ABCA1: variants seen among roughly 807,000 people sequenced by gnomAD.
The protein encoded by ABCA1 is phospholipid-transporting ATPase ABCA1.
ABCA1 carries 133 observed loss-of-function variants against 262.5 expected under a neutral mutation model. The ratio of observed to expected loss-of-function variants is 0.51; its 90% confidence interval spans 0.44 to 0.59. ABCA1 has a LOEUF of 0.59. Among genes scored for constraint, ABCA1 ranks in the 20% least tolerant of loss-of-function variants. The probability of loss-of-function intolerance (pLI) is 0.00; values close to 1 mark genes in which losing one functional copy is unlikely to be tolerated. For synonymous variants in ABCA1, 1,022 were observed against 1,043.5 expected (o/e 0.98, Z 0.40); for missense variants, 2,452 against 2,777.5 (o/e 0.88, Z 2.63).
In ABCA1 at chr9:104,832,621, A is replaced by C; in HGVS notation, c.1462T>G (p.Phe488Val). ...NGSVYTWREAFNETNQAIRTI... is the reference protein window; with the variant it reads ...NGSVYTWREAVNETNQAIRTI... ...CGGATTGCCTGGTTAGTCTCGTTGA[A>C]AGCTTCTCTCCAGGTGTACACAGAA... The change falls in exon 12 of 50, where the codon TTC becomes GTC. Residue 488 changes from phenylalanine (F) to valine (V), a missense_variant. Physicochemically the swap from Phe to Val is conservative, Grantham distance 50. This residue lies in a region of ABCA1 where 1,032 missense variants were observed against 1,089.7 expected (regional missense o/e 0.95). Transcript: ENST00000374736. 6.2e-7 allele frequency: 1 copy of C among 1,614,182 alleles called. No homozygotes were observed. The highest frequency in any genetic ancestry group is 1.1e-5 in the South Asian group (1 of 91,080).
chr9:104,920,987 C>A (rs1319628339), intron 1 of ABCA1, among the ~76,000 whole-genome samples: 1 of 152,102 alleles, frequency 6.6e-6, no homozygotes, highest in African/African-American at 2.4e-5. Flanking sequence ...TTAGTAATAA[C>A]CAGAATTCCA....
chr9:104,882,179 C>A (rs552982104), intron 5 of ABCA1, among the ~76,000 whole-genome samples: 1 of 152,028 alleles, frequency 6.6e-6, no homozygotes, highest in Non-Finnish European at 1.5e-5. Flanking sequence ...AAACACCAAA[C>A]GGAATAAAAA....
At chr9:104,792,931 G>T (rs753838695) in intron 41 of ABCA1, 25 bp from the exon 42 acceptor site, 1 of 1,613,540 alleles carries the variant, frequency 6.2e-7, no homozygotes, top group Non-Finnish European at 8.5e-7. Context: ...CAAGAAAAAT[G>T]AACCTTTCAA....
chr9:104,885,278 A>C (rs1435807206), intron 3 of ABCA1, among the ~76,000 whole-genome samples: 1 of 152,140 alleles, frequency 6.6e-6, no homozygotes, highest in Admixed American at 6.6e-5. Context: ...GTGACTGACA[A>C]AGAACACTCG....
rs201151724 is a variant in ABCA1 at position 104,804,667 on chromosome 9, C to A, written c.4518G>T (p.Ser1506=). 2.5e-6 allele frequency: 4 copies of A among 1,614,134 alleles called. No individual in the cohort carries two copies. The highest frequency in any genetic ancestry group is 2.5e-6 in the Non-Finnish European group (3 of 1,180,016). The change falls in exon 32 of 50, where the codon TCG becomes TCT. Residue 1506 remains serine (S), a synonymous_variant. Transcript: ENST00000374736. ...ILQDLTGRNI[S]DYLVKTYVQI... ...GCACATACGTCTTCACCAGATAATC[C>A]GAAATGTTTCTTCCTGTCAGGTCCT...
At position 104,883,105 on chromosome 9, in the gene ABCA1, C is replaced by T; in HGVS notation, c.355G>A (p.Asp119Asn). 6.2e-7 allele frequency: 1 copy of T among 1,613,842 alleles called. No homozygotes were observed. The highest frequency in any genetic ancestry group is 8.5e-7 in the Non-Finnish European group (1 of 1,180,042). The stretch of plus-strand genomic sequence containing the variant: ...TTGCGCATGTCCTTCATGCTGGTGT[C>T]TTTCTGGCTGTATAAAAGAAGCCTC... ...ARRLLLYSQK[D>N]TSMKDMRKVL... Residue 119 changes from aspartate (D) to asparagine (N), a missense_variant, in exon 5 of 50, where the codon GAC becomes AAC. This residue lies in a region of ABCA1 where 1,032 missense variants were observed against 1,089.7 expected (regional missense o/e 0.95). Transcript: ENST00000374736.
At chr9:104,829,309 C>T (rs1833056483) in intron 14 of ABCA1, among the ~76,000 whole-genome samples, 171 bp from the exon 15 acceptor site, 1 of 152,202 alleles carries the variant, frequency 6.6e-6, no homozygotes, top group South Asian at 2.1e-4. Context: ...ACGAGCAATG[C>T]AATGTAGAGA....
intron 1 of ABCA1, among the ~76,000 whole-genome samples, chr9:104,926,669 C>A (rs55950117): frequency 6.6e-6 from 1 of 152,304 alleles, no homozygotes; most frequent in African/African-American, 2.4e-5. Context: ...CCAGCACCCC[C>A]ACCCTCACGG....
chr9:104,918,012 A>T (rs1287484849), intron 1 of ABCA1, among the ~76,000 whole-genome samples: 1 of 152,228 alleles, frequency 6.6e-6, no homozygotes, highest in Admixed American at 6.5e-5. Context: ...AAATATATTG[A>T]TGATTACAAA....
chr9:104,837,756 G>A (rs1426971806), intron 9 of ABCA1, among the ~76,000 whole-genome samples, 189 bp from the exon 10 acceptor site: 1 of 152,184 alleles, frequency 6.6e-6, no homozygotes, highest in Non-Finnish European at 1.5e-5. Context: ...TCTATGTGGA[G>A]AGATGTGGAG....
intron 30 of ABCA1, 132 bp downstream of exon 30, chr9:104,809,334 A>G (rs1831064772): frequency 2.1e-6 from 2 of 935,378 alleles, no homozygotes; most frequent in Non-Finnish European, 3.4e-6. Context: ...TTTTGTAAAT[A>G]AAACATAATA....
intron 7 of ABCA1, among the ~76,000 whole-genome samples, chr9:104,853,322 G>A (rs1037203278): frequency 3.9e-5 from 6 of 152,326 alleles, no homozygotes; most frequent in Admixed American, 3.3e-4. Context: ...GTGAGTCAAG[G>A]ACAGAGCCCA....
chr9:104,867,586 T>A (rs1278418946), intron 5 of ABCA1, among the ~76,000 whole-genome samples: 1 of 152,180 alleles, frequency 6.6e-6, no homozygotes, highest in African/African-American at 2.4e-5. Flanking sequence ...CCTGGCTGAG[T>A]TCCTAAGACA....
Position 104,862,049 on chromosome 9 carries a change from TAC to T in ABCA1, c.422-251_422-250del, listed in dbSNP as rs35010837. Among the ~76,000 whole-genome samples, 514 of 144,892 alleles carry T rather than the reference TAC, an allele frequency of 3.5e-3. 3 individuals are homozygous for T. Among genetic ancestry groups the T allele is most frequent in the African/African-American group, 4.8e-3 (187 of 39,180 alleles). On this transcript the variant is annotated intron_variant, in intron 5 of 49. Coordinates refer to ENST00000374736, the MANE Select transcript of ABCA1 (RefSeq NM_005502.4). The stretch of plus-strand genomic sequence containing the variant: ...AACTCAAACAGTGTGATGGTGCTGT[TAC>T]ACACACACACACACACACACACACA...
rs779593454 is a variant in ABCA1 at position 104,784,298 on chromosome 9, C to T, written c.*17G>A. ...AGTTCCTCTTTACTTTCAGCCACCCCGTATGAACAGGATTCTTCATACATA... is the reference window on the plus strand; with the variant it reads ...AGTTCCTCTTTACTTTCAGCCACCCTGTATGAACAGGATTCTTCATACATA... On this transcript the variant is annotated 3_prime_UTR_variant, in exon 50 of 50. Coordinates refer to ENST00000374736, the MANE Select transcript of ABCA1 (RefSeq NM_005502.4). The T allele has an allele frequency of 3.4e-5, 55 of 1,613,838 alleles. No individual in the cohort carries two copies. The highest frequency in any genetic ancestry group is 1.2e-4 in the Admixed American group (7 of 60,004).
At chr9:104,888,567 T>C (rs1588514313) in intron 3 of ABCA1, among the ~76,000 whole-genome samples, 1 of 152,360 alleles carries the variant, frequency 6.6e-6, no homozygotes, top group African/African-American at 2.4e-5. Flanking sequence ...GGAGCCTGTG[T>C]TGTTAGCCAC....
Position 104,831,832 on chromosome 9 carries a change from TAGA to T in ABCA1, c.1510-8_1510-6del, listed in dbSNP as rs766126392. On this transcript the variant is annotated splice_region_variant and splice_polypyrimidine_tract_variant and intron_variant, in intron 12 of 49. Transcript: ENST00000374736. Reference sequence around the variant, plus strand: ...TAGCTTGTTCAGGTTGACACACTGATAGAAGAACAGCCTTCATGAGAACGTTGG... The same window carrying T: ...TAGCTTGTTCAGGTTGACACACTGATAGAACAGCCTTCATGAGAACGTTGG... 13 of 1,614,098 alleles carry T rather than the reference TAGA, an allele frequency of 8.1e-6. No individual in the cohort carries two copies. Among genetic ancestry groups the T allele is most frequent in the South Asian group, 2.2e-5 (2 of 91,082 alleles).
In ABCA1 at chr9:104,836,948, A is replaced by C. The variant is rs1472712889; in HGVS notation, c.1311+32T>G. ...GAAACTCACCTCTCCAGTATCAAGC[A>C]GGCACATGGTAATAATGGGAGGGAC... On this transcript the variant is annotated intron_variant, in intron 11 of 49. Coordinates refer to ENST00000374736, the MANE Select transcript of ABCA1 (RefSeq NM_005502.4). The C allele has an allele frequency of 2.0e-6, 3 of 1,532,524 alleles. No individual in the cohort carries two copies. The South Asian group carries it at 3.4e-5, about 17-fold the overall frequency. 94.9% of individuals were successfully genotyped at this position (1,532,524 alleles called of 1,614,324 possible). A position where few individuals can be genotyped will look rare whatever the true frequency, so the allele number is the denominator to read the frequency against.
Position 104,825,679 on chromosome 9 carries a change from G to A in ABCA1, c.2542+4C>T. 1 of 1,613,950 alleles carries A rather than the reference G, an allele frequency of 6.2e-7. No homozygotes were observed. Among genetic ancestry groups the A allele is most frequent in the Non-Finnish European group, 8.5e-7 (1 of 1,179,790 alleles). ...TTTCCAAACAGATGCCCAAAGCAGT[G>A]TACCTGGAAAGACAGCCTCAATGTA... On this transcript the variant is annotated splice_donor_region_variant and intron_variant, in intron 17 of 49. Transcript: ENST00000374736.
Sources: gnomAD v4.1 joint callset for allele counts (sites outside exome capture counted in the v4.1 genomes callset) on GRCh38, gnomAD v4.1.1 for gene constraint, gnomAD v4.1.1 regional missense constraint, MANE v1.5 for transcripts, NCBI Gene and HGNC (gene_info 2026-07-23, HGNC 2026-07-21) for gene names.